SPOCK1: variants seen among roughly 807,000 people sequenced by gnomAD.
SPOCK1 encodes the protein SPARC (osteonectin), cwcv and kazal like domains proteoglycan 1.
SPOCK1 carries 23 observed loss-of-function variants against 55.3 expected under a neutral mutation model. That is an observed-to-expected ratio of 0.42 (90% CI 0.30 to 0.59). SPOCK1 has a LOEUF of 0.59. Ranked by LOEUF, SPOCK1 falls within the 20% of genes least tolerant of loss-of-function variation. The pLI is 0.22. For synonymous variants in SPOCK1, 226 were observed against 221.0 expected (o/e 1.02, Z -0.20); for missense variants, 499 against 552.5 (o/e 0.90, Z 0.97).
intron 2 of SPOCK1, among the ~76,000 whole-genome samples, chr5:137,403,679 A>C (rs1439792155): frequency 1.8e-3 from 1 of 568 alleles, no homozygotes; most frequent in Non-Finnish European, 0.036. Flanking sequence ...GCAGATATCT[A>C]GAGGGCATCC....
At chr5:137,279,622 C>T (rs940442186) in intron 2 of SPOCK1, among the ~76,000 whole-genome samples, 2 of 152,210 alleles carry the variant, frequency 1.3e-5, no homozygotes, top group Non-Finnish European at 2.9e-5. Context: ...GCTGGCAGCT[C>T]TACTCAGTGT....
intron 6 of SPOCK1, among the ~76,000 whole-genome samples, chr5:137,038,178 C>T (rs924898653): frequency 2.6e-5 from 4 of 152,182 alleles, no homozygotes; most frequent in Admixed American, 2.6e-4. Flanking sequence ...GTTTAAGAAG[C>T]TATGTAGATC....
At chr5:137,249,961 G>T (rs1312853346) in intron 3 of SPOCK1, among the ~76,000 whole-genome samples, 1 of 152,162 alleles carries the variant, frequency 6.6e-6, no homozygotes, top group Non-Finnish European at 1.5e-5. Flanking sequence ...CACTTGGATT[G>T]GAAACTTGAT....
intron 7 of SPOCK1, among the ~76,000 whole-genome samples, chr5:136,990,483 A>G (rs997984202): frequency 1.3e-5 from 2 of 151,794 alleles, no homozygotes; most frequent in African/African-American, 4.8e-5. Flanking sequence ...CTATTGCTTT[A>G]AAACATAAAA....
chr5:137,312,429 C>T (rs1285953392), intron 2 of SPOCK1, among the ~76,000 whole-genome samples: 1 of 152,204 alleles, frequency 6.6e-6, no homozygotes, highest in Admixed American at 6.5e-5. Context: ...CAAAAAATTG[C>T]TGAGGCCTTC....
At chr5:137,072,182 C>T (rs557273248) in intron 5 of SPOCK1, among the ~76,000 whole-genome samples, 29 of 152,178 alleles carry the variant, frequency 1.9e-4, no homozygotes, top group African/African-American at 6.5e-4. Flanking sequence ...TCAGTTGTGA[C>T]GCATGCCCAG....
At position 137,392,106 on chromosome 5, in the gene SPOCK1, A is replaced by G. The variant is rs1751737387; in HGVS notation, c.186+106267T>C. Among the ~76,000 whole-genome samples the G allele has an allele frequency of 3.3e-5, 5 of 152,078 alleles. No homozygotes were observed. In the South Asian group the frequency reaches 1.0e-3, roughly 32 times the overall value. ...TTGAAACTCTTCTCCTTTAGTCTAA[A>G]TTAATTCTATCCACAATATCCACCT... is the stretch of plus-strand genomic sequence containing the variant. On this transcript the variant is annotated intron_variant, in intron 2 of 10. Coordinates refer to ENST00000394945, the MANE Select transcript of SPOCK1 (RefSeq NM_004598.4).
intron 2 of SPOCK1, among the ~76,000 whole-genome samples, chr5:137,476,370 C>T (rs1320575587): frequency 6.6e-6 from 1 of 152,120 alleles, no homozygotes; most frequent in Admixed American, 6.5e-5. Context: ...CAGCTGTACC[C>T]TTTTCGAAAT....
chr5:137,040,989 G>A (rs1162794453), intron 6 of SPOCK1, among the ~76,000 whole-genome samples: 1 of 152,132 alleles, frequency 6.6e-6, no homozygotes, highest in African/African-American at 2.4e-5. Flanking sequence ...AAAAGGCTAG[G>A]AACCATACAT....
At chr5:137,383,775 T>C (rs1407792766) in intron 2 of SPOCK1, among the ~76,000 whole-genome samples, 1 of 152,218 alleles carries the variant, frequency 6.6e-6, no homozygotes, top group Non-Finnish European at 1.5e-5. Context: ...CAGCTGCAGC[T>C]CTCAGGACAC....
intron 2 of SPOCK1, among the ~76,000 whole-genome samples, chr5:137,450,432 G>C (rs1039965655): frequency 6.6e-6 from 1 of 152,052 alleles, no homozygotes; most frequent in African/African-American, 2.4e-5. Context: ...TCCAAAAATG[G>C]GGGCAGGTGC....
At chr5:137,411,525 T>C (rs918106417) in intron 2 of SPOCK1, among the ~76,000 whole-genome samples, 2 of 152,202 alleles carry the variant, frequency 1.3e-5, no homozygotes, top group African/African-American at 4.8e-5. Flanking sequence ...CATAATACTA[T>C]TGGCATTTGA....
chr5:137,325,919 G>C (rs1012619754), intron 2 of SPOCK1, among the ~76,000 whole-genome samples: 1 of 152,186 alleles, frequency 6.6e-6, no homozygotes, highest in African/African-American at 2.4e-5. Flanking sequence ...GAAACAGCGA[G>C]TGCAAAGGCC....
chr5:136,988,739 C>T (rs1467031743), intron 7 of SPOCK1, 96 bp from the exon 8 acceptor site: 5 of 1,059,572 alleles, frequency 4.7e-6, no homozygotes, highest in Non-Finnish European at 6.7e-6. Context: ...TGCCAAGGCC[C>T]ACCTGACTCC....
At chr5:137,147,991 C>T (rs746122103) in intron 3 of SPOCK1, among the ~76,000 whole-genome samples, 1 of 152,184 alleles carries the variant, frequency 6.6e-6, no homozygotes, top group Non-Finnish European at 1.5e-5. Context: ...TACTCAGAAC[C>T]AGACCTGCCT....
intron 5 of SPOCK1, among the ~76,000 whole-genome samples, chr5:137,084,357 G>A (rs528770607): frequency 6.6e-6 from 1 of 152,054 alleles, no homozygotes; most frequent in Non-Finnish European, 1.5e-5. Flanking sequence ...GAATTGCAAG[G>A]CCAGGGCAGT....
At position 137,158,232 on chromosome 5, in the gene SPOCK1, G is replaced by T. The variant is rs1197392033; in HGVS notation, c.233-17538C>A. ...AGAGACTCTGAAATGTGAAGGAGGA[G>T]CCCCAGGGCAGAGGGGACACTGGCA... On this transcript the variant is annotated intron_variant, in intron 3 of 10. Coordinates refer to ENST00000394945, the MANE Select transcript of SPOCK1 (RefSeq NM_004598.4). Among the ~76,000 whole-genome samples, 4 of 152,176 alleles carry T rather than the reference G, an allele frequency of 2.6e-5. No individual in the cohort carries two copies. In the East Asian group the frequency reaches 7.7e-4, roughly 29 times the overall value.
At chr5:137,131,989 A>AAAAAAAAATATATAT (rs1391176339) in intron 4 of SPOCK1, among the ~76,000 whole-genome samples, 2 of 36,070 alleles carry the variant, frequency 5.5e-5, no homozygotes, top group African/African-American at 1.9e-4. Context: ...AAAAAAAAAA[A>AAAAAAAAATATATAT]ATATATATAT....
chr5:137,349,902 C>G (rs773671030), intron 2 of SPOCK1, among the ~76,000 whole-genome samples: 1 of 152,144 alleles, frequency 6.6e-6, no homozygotes, highest in Non-Finnish European at 1.5e-5. Flanking sequence ...TTTCCAAATT[C>G]TGAGGTACTG....
Sources: gnomAD v4.1 joint callset for allele counts (sites outside exome capture counted in the v4.1 genomes callset) on GRCh38, gnomAD v4.1.1 for gene constraint, MANE v1.5 for transcripts, NCBI Gene and HGNC (gene_info 2026-07-23, HGNC 2026-07-21) for gene names.